The following C8orf89 variants were observed in gnomAD, a reference collection of about 807,000 sequenced individuals.
C8orf89 encodes chromosome 8 open reading frame 89.
Under a neutral mutation model 15.8 loss-of-function variants are expected in C8orf89, and 14 were observed. That is an observed-to-expected ratio of 0.89 (90% CI 0.59 to 1.39). The LOEUF (loss-of-function observed/expected upper bound fraction) is 1.39, where lower values mean the gene tolerates loss of function less well. Ranked by LOEUF, C8orf89 falls within the 40% of genes most tolerant of loss-of-function variation. C8orf89 has a pLI of 0.00. For synonymous variants in C8orf89, 55 were observed against 62.2 expected, an observed-to-expected ratio of 0.88 and a Z score of 0.54; for missense variants, 181 against 184.5, an observed-to-expected ratio of 0.98 and a Z score of 0.11.
intron 2 of C8orf89, among the ~76,000 whole-genome samples, chr8:73,253,012 G>A (rs1048130100): frequency 2.0e-5 from 3 of 152,100 alleles, no homozygotes; most frequent in South Asian, 2.1e-4. Context: ...GCGTGGTGGC[G>A]GGCGCCTGTA....
the C8orf89 span, among the ~76,000 whole-genome samples, chr8:73,284,304 C>T: frequency 6.7e-6 from 1 of 148,578 alleles, no homozygotes; most frequent in Non-Finnish European, 1.5e-5. Context: ...ACCTCCGCCT[C>T]CCGGTTTCAA....
At chr8:73,243,198 T>C (rs1813044633) in intron 3 of C8orf89, among the ~76,000 whole-genome samples, 1 of 151,998 alleles carries the variant, frequency 6.6e-6, no homozygotes, top group Non-Finnish European at 1.5e-5. Context: ...TGGGGATGGT[T>C]TATAGGTACA....
At chr8:73,283,559 G>A in the C8orf89 span, among the ~76,000 whole-genome samples, 27 of 152,142 alleles carry the variant, frequency 1.8e-4, no homozygotes, top group African/African-American at 6.5e-4. Flanking sequence ...AACACTAAGT[G>A]GAAGCTATTC....
chr8:73,255,732 G>A (rs1312290205), intron 2 of C8orf89, among the ~76,000 whole-genome samples: 1 of 150,686 alleles, frequency 6.6e-6, no homozygotes, highest in African/African-American at 2.5e-5. Context: ...ATGATAGACT[G>A]GATTAAGAAA....
upstream of C8orf89, among the ~76,000 whole-genome samples, chr8:73,260,441 C>T (rs904782885): frequency 2.0e-5 from 3 of 151,842 alleles, no homozygotes; most frequent in East Asian, 3.9e-4. Flanking sequence ...ATGTAAATGA[C>T]AAGTTAATGG....
At chr8:73,262,036 G>C (rs1436680901), upstream of C8orf89, among the ~76,000 whole-genome samples, 1 of 152,128 alleles carries the variant, frequency 6.6e-6, no homozygotes, top group African/African-American at 2.4e-5. Flanking sequence ...TGTTGCTAAA[G>C]ACTTGAGAAA....
intron 2 of C8orf89, among the ~76,000 whole-genome samples, chr8:73,255,538 G>A (rs1235243512): frequency 6.6e-6 from 1 of 152,072 alleles, no homozygotes; most frequent in Admixed American, 6.6e-5. Flanking sequence ...AACCCTTGTG[G>A]AAGTCAGTGT....
chr8:73,266,605 A>C, the C8orf89 span, among the ~76,000 whole-genome samples: 4,598 of 152,280 alleles, frequency 0.03, 101 homozygotes, highest in Non-Finnish European at 0.046. Flanking sequence ...TGCTGATGGC[A>C]ACCAAGGTTT....
intron 3 of C8orf89, among the ~76,000 whole-genome samples, chr8:73,243,583 G>T (rs1257545731): frequency 2.6e-5 from 4 of 152,164 alleles, no homozygotes; most frequent in Non-Finnish European, 5.9e-5. Flanking sequence ...AGGCTGGAGT[G>T]CAGTGGTGCA....
intron 1 of C8orf89, 92 bp downstream of exon 1, chr8:73,259,240 A>C: frequency 1.3e-6 from 1 of 757,570 alleles, no homozygotes; most frequent in South Asian, 3.6e-5. Context: ...TAAATGTCAC[A>C]GAAAATGTCC....
intron 3 of C8orf89, among the ~76,000 whole-genome samples, chr8:73,249,907 G>T (rs150920633): frequency 0.011 from 1,686 of 152,196 alleles, 29 homozygotes; most frequent in Non-Finnish European, 0.015. Flanking sequence ...TCAGTCTGTG[G>T]GTAACGAGGG....
the C8orf89 span, among the ~76,000 whole-genome samples, chr8:73,266,109 T>G: frequency 8.4e-4 from 128 of 152,320 alleles, no homozygotes; most frequent in Admixed American, 3.5e-3. Flanking sequence ...AATGAAGGTA[T>G]CTTAACTTTT....
upstream of C8orf89, among the ~76,000 whole-genome samples, chr8:73,260,762 T>A (rs1332256997): frequency 6.6e-6 from 1 of 152,092 alleles, no homozygotes; most frequent in Admixed American, 6.6e-5. Flanking sequence ...ATATTGAGTG[T>A]CAACTTGATT....
chr8:73,285,375 C>A, the C8orf89 span, among the ~76,000 whole-genome samples: 2 of 152,216 alleles, frequency 1.3e-5, no homozygotes, highest in African/African-American at 4.8e-5. Flanking sequence ...CACCTAGTAG[C>A]CTTCCTCAGG....
intron 1 of C8orf89, 44 bp from the exon 2 acceptor site, chr8:73,257,170 A>G: frequency 1.6e-6 from 2 of 1,252,886 alleles, no homozygotes; most frequent in Non-Finnish European, 2.2e-6. Context: ...AATGCATACT[A>G]CTTGTTTTAC....
chr8:73,246,934 C>T (rs1813141526), intron 3 of C8orf89, among the ~76,000 whole-genome samples: 1 of 152,118 alleles, frequency 6.6e-6, no homozygotes, highest in Non-Finnish European at 1.5e-5. Flanking sequence ...GTTCAGTTAA[C>T]TCCATTATTC....
At chr8:73,256,952 A>T in intron 2 of C8orf89, 21 bp downstream of exon 2, 1 of 1,517,452 alleles carries the variant, frequency 6.6e-7, no homozygotes, top group Non-Finnish European at 8.8e-7. Flanking sequence ...AACAAATGAG[A>T]ATTAAATAGC....
chr8:73,266,844 G>GAA, the C8orf89 span, among the ~76,000 whole-genome samples: 40 of 145,702 alleles, frequency 2.7e-4, no homozygotes, highest in South Asian at 7.7e-3. Flanking sequence ...CCTGAAAAAA[G>GAA]AAAAAAAAAA....
chr8:73,277,670 G>C, the C8orf89 span: 60 of 755,776 alleles, frequency 7.9e-5, no homozygotes, highest in Non-Finnish European at 1.3e-4. Context: ...TTAAAATAAG[G>C]CTGGAAATCC....
Sources: gnomAD v4.1 joint callset for allele counts (sites outside exome capture counted in the v4.1 genomes callset) on GRCh38, gnomAD v4.1.1 for gene constraint, MANE v1.5 for transcripts, NCBI Gene and HGNC (gene_info 2026-07-23, HGNC 2026-07-21) for gene names.